PAQR3: variants seen among roughly 807,000 people sequenced by gnomAD.
The protein encoded by PAQR3 is progestin and adipoQ receptor family member 3.
A neutral mutation model predicts 41.7 loss-of-function variants in PAQR3; 39 were observed. The ratio of observed to expected loss-of-function variants is 0.93; its 90% CI spans 0.72 to 1.22. The LOEUF is 1.22. Among genes scored for constraint, PAQR3 ranks in the 50% most tolerant of loss-of-function variants. PAQR3 has a pLI of 0.00. For synonymous variants in PAQR3, 140 were observed against 140.6 expected, an observed-to-expected ratio of 1.00 and a Z score of 0.03; for missense variants, 366 against 385.6, an observed-to-expected ratio of 0.95 and a Z score of 0.42.
chr4:78,890,404 GCACACACACACA>G (rs149825379), intron 11 of PAQR3, among the ~76,000 whole-genome samples: 1 of 147,968 alleles, frequency 6.8e-6, no homozygotes, highest in Admixed American at 6.8e-5. Flanking sequence ...ACAATCATGC[GCACACACACACA>G]CACACACACA....
intron 11 of PAQR3, among the ~76,000 whole-genome samples, chr4:78,893,374 C>T (rs1733541974): frequency 6.6e-6 from 1 of 152,180 alleles, no homozygotes; most frequent in Non-Finnish European, 1.5e-5. Flanking sequence ...CCTTCAAAAT[C>T]ATCCATGAGG....
At chr4:78,897,048 A>G (rs897048983) in intron 11 of PAQR3, among the ~76,000 whole-genome samples, 1 of 152,124 alleles carries the variant, frequency 6.6e-6, no homozygotes, top group Non-Finnish European at 1.5e-5. Flanking sequence ...GGAAATGTAC[A>G]ATGGAGCTGG....
chr4:78,899,840 G>GA (rs1245535323), intron 11 of PAQR3, among the ~76,000 whole-genome samples: 1 of 152,086 alleles, frequency 6.6e-6, no homozygotes, highest in African/African-American at 2.4e-5. Context: ...TGAAGAAGTT[G>GA]AGATATTAGC....
chr4:78,911,617 G>A (rs1490464847), downstream of PAQR3: 1 of 1,613,988 alleles, frequency 6.2e-7, no homozygotes, highest in Admixed American at 1.7e-5. Flanking sequence ...GCACAAAAAA[G>A]TGGGCCGCCG....
chr4:78,896,804 A>G (rs1240766269), intron 11 of PAQR3, among the ~76,000 whole-genome samples: 1 of 152,208 alleles, frequency 6.6e-6, no homozygotes, highest in East Asian at 1.9e-4. Flanking sequence ...ATTTTAAATA[A>G]TTCTTTATTG....
chr4:78,923,024 C>T (rs959310985), intron 5 of PAQR3: 7 of 454,936 alleles, frequency 1.5e-5, no homozygotes, highest in Non-Finnish European at 3.1e-5. Flanking sequence ...GCTTGTGTAT[C>T]TTGGAAACAC....
chr4:78,894,923 G>A (rs886851216), intron 11 of PAQR3, among the ~76,000 whole-genome samples: 7 of 152,302 alleles, frequency 4.6e-5, no homozygotes, highest in Middle Eastern at 3.4e-3. Context: ...GGAATAGGGA[G>A]ACCTAAGGAA....
At chr4:78,921,674 T>C in intron 5 of PAQR3, 2 of 984,958 alleles carry the variant, frequency 2.0e-6, no homozygotes, top group Non-Finnish European at 2.4e-6. Context: ...CTGTGTTGTG[T>C]ATACATTTTT....
chr4:78,935,319 T>C (rs747190021), intron 1 of PAQR3, 36 bp from the exon 2 acceptor site: 39 of 1,585,668 alleles, frequency 2.5e-5, no homozygotes, highest in Middle Eastern at 1.7e-4. Context: ...GAGATTCACA[T>C]TGGCCAACTT....
intron 3 of PAQR3, among the ~76,000 whole-genome samples, chr4:78,927,717 T>G (rs1388050630): frequency 2.0e-5 from 3 of 152,178 alleles, no homozygotes; most frequent in Non-Finnish European, 2.9e-5. Context: ...ACACTTCGCT[T>G]AGGTTTGAAG....
intron 2 of PAQR3, 124 bp from the exon 3 acceptor site, chr4:78,930,449 G>A (rs967396302): frequency 3.0e-6 from 3 of 992,016 alleles, no homozygotes; most frequent in Non-Finnish European, 4.3e-6. Flanking sequence ...TTGGATTCTA[G>A]CTCTGTGCCT....
At chr4:78,911,077 T>C, downstream of PAQR3, 1 of 1,613,998 alleles carries the variant, frequency 6.2e-7, no homozygotes, top group Non-Finnish European at 8.5e-7. Context: ...CCAATTATCC[T>C]CTGATGTTGC....
intron 5 of PAQR3, chr4:78,922,429 C>G (rs748623270): frequency 7.8e-7 from 1 of 1,288,638 alleles, no homozygotes; most frequent in South Asian, 1.2e-5. Flanking sequence ...ATTCTTAACC[C>G]AGGAAGAAGA....
chr4:78,899,387 T>C (rs1044281938), intron 11 of PAQR3, among the ~76,000 whole-genome samples: 2 of 152,026 alleles, frequency 1.3e-5, no homozygotes, highest in African/African-American at 4.8e-5. Flanking sequence ...TTCACATAGG[T>C]TGAGTTTGAG....
At chr4:78,936,072 C>T (rs369847766) in intron 1 of PAQR3, among the ~76,000 whole-genome samples, 42 of 152,302 alleles carry the variant, frequency 2.8e-4, no homozygotes, top group African/African-American at 9.6e-4. Context: ...ACTGTCCCCA[C>T]CCTACACAAG....
chr4:78,902,611 A>C (rs1734068452), intron 11 of PAQR3, among the ~76,000 whole-genome samples: 1 of 152,154 alleles, frequency 6.6e-6, no homozygotes, highest in African/African-American at 2.4e-5. Flanking sequence ...TTACAATAGA[A>C]GTTTCAAGCC....
intron 11 of PAQR3, among the ~76,000 whole-genome samples, chr4:78,890,427 C>T (rs931680359): frequency 3.3e-5 from 5 of 151,108 alleles, no homozygotes; most frequent in South Asian, 2.1e-4. Flanking sequence ...CACACACACA[C>T]GTGTCCTGTC....
chr4:78,939,060 C>T lies in PAQR3; in HGVS notation c.165G>A (p.Pro55=). The T allele has an allele frequency of 3.1e-6, 5 of 1,607,802 alleles. No homozygotes were observed. The highest frequency in any genetic ancestry group is 4.3e-6 in the Non-Finnish European group (5 of 1,175,606). Residue 55 remains proline, a synonymous_variant, in exon 1 of 6, where the codon CCG becomes CCA. Transcript: ENST00000512733. ...CGTACCTTTTGATACACAGCCTGGA[C>T]GGCAGGTAGGCCCGGTAGCCGTCGG... ...YITDGYRAYL[P]SRLCIKSLFI...
At chr4:78,901,111 T>C (rs1733977026) in intron 11 of PAQR3, among the ~76,000 whole-genome samples, 1 of 152,154 alleles carries the variant, frequency 6.6e-6, no homozygotes, top group Non-Finnish European at 1.5e-5. Flanking sequence ...GGCGTGATCA[T>C]AGGCTTACTA....
Sources: allele counts gnomAD v4.1 joint callset (sites outside exome capture counted in the v4.1 genomes callset), GRCh38; gene constraint gnomAD v4.1.1; transcripts MANE v1.5; gene names NCBI Gene and HGNC (gene_info 2026-07-23, HGNC 2026-07-21).